The following SRRM4 variants were observed in gnomAD, a reference collection of about 807,000 sequenced individuals.
The protein encoded by SRRM4 is serine/arginine repetitive matrix protein 4.
Under a neutral mutation model 68.9 loss-of-function variants are expected in SRRM4, and 33 were observed. The observed-to-expected ratio is 0.48, with a 90% CI of 0.36 to 0.64. The LOEUF is 0.64. Among genes scored for constraint, SRRM4 ranks in the 30% least tolerant of loss-of-function variants. The pLI, the probability that SRRM4 is intolerant of heterozygous loss-of-function variation, is 0.00. For missense variants in SRRM4, 817 were observed against 827.1 expected, an observed-to-expected ratio of 0.99 and a Z score of 0.15; for synonymous variants, 318 against 318.8, an observed-to-expected ratio of 1.00 and a Z score of 0.03.
chr12:119,142,259 C>T (rs1954369921), intron 8 of SRRM4, among the ~76,000 whole-genome samples: 1 of 152,126 alleles, frequency 6.6e-6, no homozygotes, highest in Non-Finnish European at 1.5e-5. Context: ...TTTTCAGGCA[C>T]CAAATTTAAC....
At chr12:118,985,557 C>A (rs999201608) in intron 1 of SRRM4, among the ~76,000 whole-genome samples, 3 of 152,106 alleles carry the variant, frequency 2.0e-5, no homozygotes, top group African/African-American at 7.2e-5. Flanking sequence ...CCAGGCAAAC[C>A]AGGATGTACA....
intron 8 of SRRM4, among the ~76,000 whole-genome samples, chr12:119,140,238 C>T (rs1384313978): frequency 8.6e-5 from 13 of 151,934 alleles, no homozygotes; most frequent in Admixed American, 1.3e-4. Flanking sequence ...ATTACCTGGG[C>T]GTGGTGGCAG....
intron 9 of SRRM4, among the ~76,000 whole-genome samples, chr12:119,148,302 C>T (rs2136067220): frequency 6.6e-6 from 1 of 152,276 alleles, no homozygotes; most frequent in East Asian, 1.9e-4. Context: ...CATTTGCCTG[C>T]CCCAGGTCAT....
rs1031194678 is a variant in SRRM4 at position 118,981,742 on chromosome 12, C to T, written c.-141C>T. 12 of 918,446 alleles carry T rather than the reference C, an allele frequency of 1.3e-5. No individual in the cohort carries two copies. The highest frequency in any genetic ancestry group is 1.9e-5 in the Non-Finnish European group (12 of 630,208). The allele number at this position is 918,446 out of a possible 1,614,324, so 56.9% of individuals were successfully genotyped here. A position where few individuals can be genotyped will look rare whatever the true frequency, so the allele number is the denominator to read the frequency against. On this transcript the variant is annotated 5_prime_UTR_variant, in exon 1 of 13. Coordinates refer to ENST00000267260, the MANE Select transcript of SRRM4 (RefSeq NM_194286.4). ...CGGGCTGGGGCGTCCCATCCCCCGCCCTGAACTCCGATCTCTCCCACCCCA... is the reference window on the plus strand; with the variant it reads ...CGGGCTGGGGCGTCCCATCCCCCGCTCTGAACTCCGATCTCTCCCACCCCA...
In SRRM4 at chr12:119,126,014, C is replaced by CTT. The variant is rs34680171; in HGVS notation, c.614+561_614+562dup. 7.9e-4 allele frequency among the ~76,000 whole-genome samples: 56 copies of CTT among 71,164 alleles called. 6 individuals carry two copies. Among genetic ancestry groups the CTT allele is most frequent in the African/African-American group, 2.6e-3 (46 of 17,722 alleles). The allele number at this position is 71,164 out of a possible 152,430, so 46.7% of individuals were successfully genotyped here. A position where few individuals can be genotyped will look rare whatever the true frequency, so the allele number is the denominator to read the frequency against. On this transcript the variant is annotated intron_variant, in intron 7 of 12. Transcript: ENST00000267260. ...AGGAATGACAACACCATACTAGCTGCTTTTTTTTTTTTTTTTTTTTTTTTT... is the reference window on the plus strand; with the variant it reads ...AGGAATGACAACACCATACTAGCTGCTTTTTTTTTTTTTTTTTTTTTTTTTTT...
chr12:119,125,108 T>C (rs989005538), intron 6 of SRRM4, among the ~76,000 whole-genome samples: 4 of 152,088 alleles, frequency 2.6e-5, no homozygotes. Flanking sequence ...TAGGGTGTCA[T>C]CTGGGGAGCA....
At chr12:119,041,033 A>C (rs150496931) in intron 1 of SRRM4, among the ~76,000 whole-genome samples, 1 of 152,130 alleles carries the variant, frequency 6.6e-6, no homozygotes, top group South Asian at 2.1e-4. Flanking sequence ...TACAGGCATG[A>C]GTCACCATGC....
intron 7 of SRRM4, among the ~76,000 whole-genome samples, chr12:119,128,393 G>A (rs1260245771): frequency 6.6e-6 from 1 of 152,104 alleles, no homozygotes; most frequent in African/African-American, 2.4e-5. Flanking sequence ...CCACTTCCTG[G>A]CAGCATCCAA....
intron 1 of SRRM4, among the ~76,000 whole-genome samples, chr12:119,100,591 C>T (rs1280037624): frequency 6.6e-6 from 1 of 152,182 alleles, no homozygotes; most frequent in Non-Finnish European, 1.5e-5. Context: ...CAGGAGACAT[C>T]TCCGTCTTGT....
chr12:119,057,533 T>C (rs1378768180), intron 1 of SRRM4, among the ~76,000 whole-genome samples: 1 of 152,228 alleles, frequency 6.6e-6, no homozygotes, highest in Non-Finnish European at 1.5e-5. Context: ...TCTTGTTCCA[T>C]TTTATGGCTA....
chr12:119,109,852 T>G (rs1383054570), intron 2 of SRRM4, among the ~76,000 whole-genome samples: 1 of 152,226 alleles, frequency 6.6e-6, no homozygotes, highest in Non-Finnish European at 1.5e-5. Context: ...CCGTCCAGCT[T>G]TGTTCCATTG....
Position 119,154,370 on chromosome 12 carries a change from C to G in SRRM4, c.1519C>G (p.Arg507Gly). 1.2e-6 allele frequency: 2 copies of G among 1,612,998 alleles called. No homozygotes were observed. The highest frequency in any genetic ancestry group is 1.7e-6 in the Non-Finnish European group (2 of 1,179,728). The change falls in exon 12 of 13, where the codon CGG becomes GGG. Residue 507 changes from arginine to glycine, a missense_variant. By Grantham distance (125) the Arg-to-Gly change is moderately radical (BLOSUM62 -2). Coordinates refer to ENST00000267260, the MANE Select transcript of SRRM4 (RefSeq NM_194286.4). This position sits in a 1 kb window ranked among gnomAD's most constrained non-coding sequence, Gnocchi z 4.7. ...AGACTCCCCGAGCCACCTGGAGGCCCGGAGGATAACCAGGTGAGGCCAGGG... is the reference window on the plus strand; with the variant it reads ...AGACTCCCCGAGCCACCTGGAGGCCGGGAGGATAACCAGGTGAGGCCAGGG... ...RRDSPSHLEA[R>G]RITSARKRPI... is the part of the protein sequence containing the mutation.
chr12:119,040,792 C>T (rs921498827), intron 1 of SRRM4, among the ~76,000 whole-genome samples: 9 of 151,988 alleles, frequency 5.9e-5, no homozygotes, highest in African/African-American at 2.2e-4. Flanking sequence ...ACTCTGTTGC[C>T]CAGGCTGGAG....
intron 1 of SRRM4, among the ~76,000 whole-genome samples, chr12:119,020,264 G>A (rs1257374712): frequency 6.6e-6 from 1 of 152,084 alleles, no homozygotes; most frequent in East Asian, 1.9e-4. Flanking sequence ...ACACTCTCAA[G>A]GTTGCAAAGT....
intron 1 of SRRM4, among the ~76,000 whole-genome samples, chr12:119,083,058 G>A (rs1806048720): frequency 6.6e-6 from 1 of 152,278 alleles, no homozygotes; most frequent in South Asian, 2.1e-4. Context: ...GACCCCCCTT[G>A]TGAAAGCTCC....
intron 2 of SRRM4, among the ~76,000 whole-genome samples, chr12:119,105,838 T>A (rs1954104646): frequency 6.6e-6 from 1 of 152,250 alleles, no homozygotes; most frequent in Admixed American, 6.5e-5. Context: ...AGATCCCATT[T>A]GTCAATTTTG....
chr12:119,035,635 C>T (rs573176260), intron 1 of SRRM4, among the ~76,000 whole-genome samples: 1 of 152,112 alleles, frequency 6.6e-6, no homozygotes, highest in South Asian at 2.1e-4. Flanking sequence ...CTGTTTCATG[C>T]TTCAATTGCA....
chr12:118,990,951 C>T (rs1953312835), intron 1 of SRRM4, among the ~76,000 whole-genome samples: 1 of 152,150 alleles, frequency 6.6e-6, no homozygotes, highest in African/African-American at 2.4e-5. Flanking sequence ...TCCCAAGTAC[C>T]CACCCCGCAC....
At chr12:119,078,015 G>A (rs1159592188) in intron 1 of SRRM4, among the ~76,000 whole-genome samples, 1 of 146,008 alleles carries the variant, frequency 6.8e-6, no homozygotes, top group African/African-American at 2.5e-5. Flanking sequence ...ATGCATCTAG[G>A]CATATCCAGC....
Sources: gnomAD v4.1 joint callset for allele counts (sites outside exome capture counted in the v4.1 genomes callset) on GRCh38, gnomAD v4.1.1 for gene constraint, Gnocchi (gnomAD v3.1) non-coding constraint, MANE v1.5 for transcripts, NCBI Gene and HGNC (gene_info 2026-07-23, HGNC 2026-07-21) for gene names.